The following DNER variants were observed in gnomAD, a reference collection of about 807,000 sequenced individuals.
DNER encodes delta/notch like EGF repeat containing.
A neutral mutation model predicts 78.2 loss-of-function variants in DNER; 33 were observed. The observed-to-expected ratio is 0.42, with a 90% CI of 0.32 to 0.56. DNER has a LOEUF of 0.56. Ranked by LOEUF, DNER falls within the 20% of genes least tolerant of loss-of-function variation. The pLI, the probability that DNER is intolerant of heterozygous loss-of-function variation, is 0.11. For synonymous variants in DNER, 417 were observed against 384.8 expected, an observed-to-expected ratio of 1.08 and a Z score of -0.98; for missense variants, 918 against 975.3, an observed-to-expected ratio of 0.94 and a Z score of 0.78.
chr2:229,678,328 C>T (rs1699330548), intron 1 of DNER, among the ~76,000 whole-genome samples: 1 of 152,174 alleles, frequency 6.6e-6, no homozygotes, highest in South Asian at 2.1e-4. Context: ...TCATGAGATT[C>T]TGATGGGATT....
Position 229,447,397 on chromosome 2 carries a change from T to C in DNER, c.1405A>G (p.Ile469Val), listed in dbSNP as rs991889339. ...GFTGPTCAQL[I>V]DFCALSPCAH... Reference sequence around the variant, plus strand: ...CAGGGGCTGAGGGCACAGAAGTCAATAAGCTGGGCACAGGTCGGCCCTGTG... The same window carrying C: ...CAGGGGCTGAGGGCACAGAAGTCAACAAGCTGGGCACAGGTCGGCCCTGTG... The change falls in exon 8 of 13, where the codon ATT becomes GTT. Residue 469 changes from isoleucine to valine, a missense_variant. Ile to Val is a conservative substitution (Grantham distance 29). Transcript: ENST00000341772. 1 of 1,613,492 alleles carries C rather than the reference T, an allele frequency of 6.2e-7. No individual in the cohort carries two copies. The highest frequency in any genetic ancestry group is 8.5e-7 in the Non-Finnish European group (1 of 1,179,856).
chr2:229,653,786 T>A (rs1173217023), intron 1 of DNER, among the ~76,000 whole-genome samples: 1 of 152,220 alleles, frequency 6.6e-6, no homozygotes, highest in Non-Finnish European at 1.5e-5. Context: ...ATGTAACACA[T>A]GTGCTTTGTA....
intron 11 of DNER, among the ~76,000 whole-genome samples, chr2:229,376,683 A>G (rs1312308742): frequency 1.3e-5 from 2 of 152,308 alleles, no homozygotes; most frequent in East Asian, 3.9e-4. Flanking sequence ...AATAAAAGCA[A>G]TATGTTGAAG....
At chr2:229,613,949 T>A (rs1698099845) in intron 1 of DNER, among the ~76,000 whole-genome samples, 2 of 149,536 alleles carry the variant, frequency 1.3e-5, no homozygotes, top group South Asian at 4.3e-4. Flanking sequence ...CACCGCATGT[T>A]CTCACTCATA....
chr2:229,579,622 T>C (rs1697357016), intron 4 of DNER, among the ~76,000 whole-genome samples: 1 of 152,088 alleles, frequency 6.6e-6, no homozygotes, highest in African/African-American at 2.4e-5. Context: ...GAAGGATGCA[T>C]GGATACACAA....
intron 6 of DNER, among the ~76,000 whole-genome samples, chr2:229,512,057 T>C (rs1366102912): frequency 6.6e-6 from 1 of 152,164 alleles, no homozygotes; most frequent in East Asian, 1.9e-4. Context: ...CTGTGGTATA[T>C]ATATACGATG....
chr2:229,599,417 T>C lies in DNER; in HGVS notation c.277-7529A>G, dbSNP rs531389273. Among the ~76,000 whole-genome samples, 8 of 145,870 alleles carry C rather than the reference T, an allele frequency of 5.5e-5. No individual in the cohort carries two copies. The South Asian group carries it at 8.9e-4, about 16-fold the overall frequency. ...GCAGGTTTTCTCAACATTGGTACTT[T>C]TGACACCTTGAATTGGATAATTTTT... On this transcript the variant is annotated intron_variant, in intron 1 of 12. Coordinates refer to ENST00000341772, the MANE Select transcript of DNER (RefSeq NM_139072.4).
intron 11 of DNER, 125 bp from the exon 12 acceptor site, chr2:229,367,244 C>T: frequency 7.4e-7 from 1 of 1,344,346 alleles, no homozygotes; most frequent in South Asian, 1.5e-5. Context: ...GGCTTATTTT[C>T]TACGGATTAT....
intron 1 of DNER, among the ~76,000 whole-genome samples, chr2:229,646,558 A>G (rs956699303): frequency 6.6e-6 from 1 of 152,246 alleles, no homozygotes; most frequent in African/African-American, 2.4e-5. Context: ...TGAGTTACTA[A>G]TAGGATGAAC....
chr2:229,659,685 A>AGATTCCAGG (rs1424899126), intron 1 of DNER, among the ~76,000 whole-genome samples: 1 of 152,196 alleles, frequency 6.6e-6, no homozygotes, highest in Non-Finnish European at 1.5e-5. Flanking sequence ...AAGCAGTCAC[A>AGATTCCAGG]GATTCCAGGT....
chr2:229,588,912 G>A (rs544470971), intron 2 of DNER, among the ~76,000 whole-genome samples: 14 of 152,334 alleles, frequency 9.2e-5, no homozygotes, highest in East Asian at 1.9e-4. Context: ...GCCAGCCTTC[G>A]ACTTGCAAAG....
chr2:229,611,414 A>G (rs1698045657), intron 1 of DNER, among the ~76,000 whole-genome samples: 2 of 152,232 alleles, frequency 1.3e-5, no homozygotes. Context: ...ACAACACATT[A>G]AAAGTTCTTC....
At chr2:229,554,941 A>AGAGAGAAAAAGGAAGGG (rs1559165523) in intron 4 of DNER, among the ~76,000 whole-genome samples, 1 of 25,616 alleles carries the variant, frequency 3.9e-5, no homozygotes, top group Non-Finnish European at 7.9e-5. Context: ...AGAAGAGAGA[A>AGAGAGAAAAAGGAAGGG]AAGGGAAGGG....
intron 8 of DNER, among the ~76,000 whole-genome samples, chr2:229,420,574 A>G (rs935696825): frequency 3.9e-5 from 6 of 152,176 alleles, no homozygotes; most frequent in Admixed American, 6.5e-5. Flanking sequence ...CTAAGCTTTT[A>G]GTCCATTTTG....
intron 1 of DNER, among the ~76,000 whole-genome samples, chr2:229,673,309 C>T (rs928040047): frequency 4.0e-5 from 6 of 151,844 alleles, no homozygotes; most frequent in Admixed American, 2.6e-4. Flanking sequence ...GCACGAGATG[C>T]AGTTAGGTCC....
In DNER at chr2:229,649,776, C is replaced by T. The variant is rs117323623; in HGVS notation, c.277-57888G>A. On this transcript the variant is annotated intron_variant, in intron 1 of 12. Transcript: ENST00000341772. ...CTCCTGCTATCTCTTCTCACATCTTCTCTTAAGAAATGGCATCCCCGGGTG... is the reference window on the plus strand; with the variant it reads ...CTCCTGCTATCTCTTCTCACATCTTTTCTTAAGAAATGGCATCCCCGGGTG... Among the ~76,000 whole-genome samples, 7 of 152,300 alleles carry T rather than the reference C, an allele frequency of 4.6e-5. No homozygotes were observed. The East Asian group carries it at 1.4e-3, about 29-fold the overall frequency.
intron 6 of DNER, among the ~76,000 whole-genome samples, chr2:229,510,467 G>C (rs1350398142): frequency 6.6e-6 from 1 of 152,212 alleles, no homozygotes; most frequent in Non-Finnish European, 1.5e-5. Context: ...GCACAGGCAA[G>C]GGGCAAAGGC....
At chr2:229,685,252 T>C (rs1699464380) in intron 1 of DNER, among the ~76,000 whole-genome samples, 1 of 117,814 alleles carries the variant, frequency 8.5e-6, no homozygotes. Flanking sequence ...ATTAAAACTG[T>C]TCTGTTTTAA....
At position 229,668,420 on chromosome 2, in the gene DNER, ATATATATATATATATATATATACACT is replaced by A. The variant is rs1191416311; in HGVS notation, c.276+45702_276+45727del. Among the ~76,000 whole-genome samples the A allele has an allele frequency of 4.4e-3, 6 of 1,368 alleles. No homozygotes were observed. In the East Asian group the frequency reaches 0.36, roughly 81 times the overall value. The allele number at this position is 1,368 out of a possible 152,430, so 0.9% of individuals were successfully genotyped here. The stretch of plus-strand genomic sequence containing the variant: ...AAGAATACACATAAAATATTCTTTT[ATATATATATATATATATATATACACT>A]TATATATATATATAAAAGAAGACAT... On this transcript the variant is annotated intron_variant, in intron 1 of 12. Transcript: ENST00000341772.
Sources: gnomAD v4.1 joint callset for allele counts (sites outside exome capture counted in the v4.1 genomes callset) on GRCh38, gnomAD v4.1.1 for gene constraint, MANE v1.5 for transcripts, NCBI Gene and HGNC (gene_info 2026-07-23, HGNC 2026-07-21) for gene names.